PLEKHG5: variants seen among roughly 807,000 people sequenced by gnomAD.
PLEKHG5 encodes the protein pleckstrin homology and RhoGEF domain containing G5.
Under a neutral mutation model 103.8 loss-of-function variants are expected in PLEKHG5, and 52 were observed. The ratio of observed to expected loss-of-function variants is 0.50; its 90% CI spans 0.40 to 0.63. PLEKHG5 has a LOEUF of 0.63. PLEKHG5 is among the 30% of genes least tolerant of loss of function. The pLI is 0.00. For synonymous variants in PLEKHG5, 592 were observed against 575.5 expected (o/e 1.03, Z -0.41); for missense variants, 1,205 against 1,347.6 (o/e 0.89, Z 1.66).
At chr1:6,498,665 C>A (rs111968396), upstream of PLEKHG5, among the ~76,000 whole-genome samples, 1 of 152,090 alleles carries the variant, frequency 6.6e-6, no homozygotes, top group African/African-American at 2.4e-5. Context: ...CCACAGGCAC[C>A]CCGGGGGCCT....
At chr1:6,503,317 T>G (rs1380733674) in intron 1 of PLEKHG5, among the ~76,000 whole-genome samples, 6 of 151,732 alleles carry the variant, frequency 4.0e-5, no homozygotes, top group Non-Finnish European at 8.8e-5. Context: ...CTTGGGAGGC[T>G]GAGGCAGGAG....
chr1:6,470,888 C>T lies in PLEKHG5; in HGVS notation c.1393-4G>A, dbSNP rs746003422. ...ACTGTGGGTGCTTCTCCGCCCACTG[C>T]GGTGGGGGAGTGGGGGCGGGCTCAG... On this transcript the variant is annotated splice_polypyrimidine_tract_variant and splice_region_variant and intron_variant, in intron 13 of 20. Coordinates refer to ENST00000377728, the MANE Select transcript of PLEKHG5 (RefSeq NM_020631.6). 21 of 1,459,804 alleles carry T rather than the reference C, an allele frequency of 1.4e-5. No homozygotes were observed. The highest frequency in any genetic ancestry group is 1.8e-5 in the Non-Finnish European group (20 of 1,111,876). 90.4% of individuals were successfully genotyped at this position (1,459,804 alleles called of 1,614,324 possible).
rs760122001 is a variant in PLEKHG5 at position 6,470,298 on chromosome 1, C to A, written c.1738G>T (p.Glu580Ter). 2 of 1,613,964 alleles carry A rather than the reference C, an allele frequency of 1.2e-6. No individual in the cohort carries two copies. The highest frequency in any genetic ancestry group is 1.7e-6 in the Non-Finnish European group (2 of 1,180,018). ...LTAPIPGASP[E>*]ETRQLLLEGS... is the part of the protein sequence containing the mutation. ...TCCAGCAGCAGCTGCCGCGTCTCCTCCGGGGAGGCGCCAGGGATGGGCGCT... is the reference window on the plus strand; with the variant it reads ...TCCAGCAGCAGCTGCCGCGTCTCCTACGGGGAGGCGCCAGGGATGGGCGCT... The change falls in exon 16 of 21, where the codon GAG becomes TAG. Residue 580 changes from glutamate (E) to a stop codon, truncating the protein, a stop_gained. Coordinates refer to ENST00000377728, the MANE Select transcript of PLEKHG5 (RefSeq NM_020631.6). LOFTEE classifies it high-confidence loss of function.
chr1:6,497,390 G>A, upstream of PLEKHG5: 1 of 1,055,066 alleles, frequency 9.5e-7, no homozygotes, highest in South Asian at 4.6e-5. The surrounding 1 kb of genome is among the most constrained non-coding windows in gnomAD (Gnocchi z 6.1). Context: ...CGGGGACTGG[G>A]AGGCCGCAGA....
Position 6,490,368 on chromosome 1 carries a change from T to C in PLEKHG5, c.-88+1269A>G. On this transcript the variant is annotated intron_variant, in intron 1 of 20. Transcript: ENST00000377728. The surrounding 1 kb of genome is among the most constrained non-coding windows in gnomAD (Gnocchi z 8.0). ...GTGGGAATCTCGAATCCGGGTTCTG[T>C]CCATCGGTTTAGGGGGGTCCTGGCG... 1 of 816,214 alleles carries C rather than the reference T, an allele frequency of 1.2e-6. No homozygotes were observed. Among genetic ancestry groups the C allele is most frequent in the Non-Finnish European group, 1.5e-6 (1 of 676,550 alleles). The allele number at this position is 816,214 out of a possible 1,614,324, so 50.6% of individuals were successfully genotyped here. A position where few individuals can be genotyped will look rare whatever the true frequency, so the allele number is the denominator to read the frequency against.
chr1:6,499,450 A>G (rs1167228046), upstream of PLEKHG5, among the ~76,000 whole-genome samples: 1 of 151,794 alleles, frequency 6.6e-6, no homozygotes, highest in Non-Finnish European at 1.5e-5. Context: ...TAGACCCTAC[A>G]CTCCTGATCC....
chr1:6,494,614 A>G (rs1187891289), upstream of PLEKHG5, among the ~76,000 whole-genome samples: 2 of 151,948 alleles, frequency 1.3e-5, no homozygotes. Context: ...TGTTTCTCTT[A>G]CCAAATCTGA....
In PLEKHG5 at chr1:6,471,604, C is replaced by G; in HGVS notation, c.1165G>C (p.Glu389Gln). ...EAERLFSNIP[E>Q]IAQLHRRLWA... ...AGCCTGCGGTGCAGCTGCGCGATCT[C>G]CGGGATGTTGCTGAACAGGCGCTCC... Residue 389 changes from glutamate to glutamine, a missense_variant, in exon 12 of 21, where the codon GAG becomes CAG. Coordinates refer to ENST00000377728, the MANE Select transcript of PLEKHG5 (RefSeq NM_020631.6). 2 of 1,595,532 alleles carry G rather than the reference C, an allele frequency of 1.3e-6. No homozygotes were observed. The highest frequency in any genetic ancestry group is 1.7e-6 in the Non-Finnish European group (2 of 1,172,072).
chr1:6,474,421 C>G, intron 6 of PLEKHG5, 30 bp downstream of exon 6: 1 of 1,612,662 alleles, frequency 6.2e-7, no homozygotes, highest in Non-Finnish European at 8.5e-7. Flanking sequence ...CCAGTCCCAG[C>G]GGCCCCATTT....
intron 1 of PLEKHG5, among the ~76,000 whole-genome samples, chr1:6,481,452 A>G (rs1644895718): frequency 6.6e-6 from 1 of 152,054 alleles, no homozygotes; most frequent in East Asian, 1.9e-4. Flanking sequence ...AATCGCTTGA[A>G]TACGGGAGGC....
rs1344388642 is a variant in PLEKHG5, at chr1:6,467,490, G to C, written c.*73C>G. On this transcript the variant is annotated 3_prime_UTR_variant, in exon 21 of 21. Coordinates refer to ENST00000377728, the MANE Select transcript of PLEKHG5 (RefSeq NM_020631.6). The stretch of plus-strand genomic sequence containing the variant: ...ATACAGGAGGCAGTAGCTGAAGCAG[G>C]TGCCGGCACGCCCCAGGAGGCAGGC... 7.0e-7 allele frequency: 1 copy of C among 1,429,976 alleles called. No homozygotes were observed. The highest frequency in any genetic ancestry group is 9.9e-7 in the Non-Finnish European group (1 of 1,012,964). The allele number at this position is 1,429,976 out of a possible 1,614,324, so 88.6% of individuals were successfully genotyped here.
intron 1 of PLEKHG5, among the ~76,000 whole-genome samples, chr1:6,512,444 C>T (rs1028257649): frequency 4.6e-5 from 7 of 152,240 alleles, no homozygotes; most frequent in African/African-American, 1.4e-4. Flanking sequence ...TGGGCCCCTC[C>T]CCGGGCTACC....
intron 2 of PLEKHG5, 142 bp from the exon 3 acceptor site, chr1:6,476,178 G>C: frequency 2.7e-6 from 2 of 730,296 alleles, no homozygotes; most frequent in Non-Finnish European, 4.8e-6. Context: ...GTGAGGAGAG[G>C]GGCTCAGTCA....
Position 6,467,832 on chromosome 1 carries a change from T to C in PLEKHG5, c.3004A>G (p.Thr1002Ala). 1.2e-6 allele frequency: 2 copies of C among 1,613,250 alleles called. No individual in the cohort carries two copies. Among genetic ancestry groups the C allele is most frequent in the Non-Finnish European group, 1.7e-6 (2 of 1,179,918 alleles). The change falls in exon 20 of 21, where the codon ACT becomes GCT. Residue 1002 changes from threonine (T) to alanine (A), a missense_variant. Physicochemically the swap from Thr to Ala is moderately conservative, Grantham distance 58. Coordinates refer to ENST00000377728, the MANE Select transcript of PLEKHG5 (RefSeq NM_020631.6). ...CCAGTCCAGGCCACTCACGAGGCAGTGAGCGTGGAGTTAAGCAGCAGGGTG... is the reference window on the plus strand; with the variant it reads ...CCAGTCCAGGCCACTCACGAGGCAGCGAGCGTGGAGTTAAGCAGCAGGGTG... The part of the protein sequence containing the change: ...RTTLLLNSTL[T>A]ASEV
At position 6,467,559 on chromosome 1, in the gene PLEKHG5, C is replaced by G; in HGVS notation, c.*4G>C. On this transcript the variant is annotated 3_prime_UTR_variant, in exon 21 of 21. Transcript: ENST00000377728. ...CAATGGCACTCTTGGGGGCCTCCCT[C>G]TGCTCAGACCTCCCTACAGGGTGGG... 6.2e-7 allele frequency: 1 copy of G among 1,613,478 alleles called. No individual in the cohort carries two copies. Among genetic ancestry groups the G allele is most frequent in the Non-Finnish European group, 8.5e-7 (1 of 1,179,792 alleles).
rs1304121998 is a variant in PLEKHG5 at position 6,471,742 on chromosome 1, C to T, written c.1131+16G>A. ...CCTGGTACCTCACCCGCCGCCGCCC[C>T]CGAATCCCAGCGCACCTCACACAGC... On this transcript the variant is annotated intron_variant, in intron 11 of 20. Transcript: ENST00000377728. 1.2e-6 allele frequency: 2 copies of T among 1,607,648 alleles called. No homozygotes were observed. The highest frequency in any genetic ancestry group is 1.7e-6 in the Non-Finnish European group (2 of 1,177,472).
chr1:6,480,528 CA>C (rs58083180), intron 1 of PLEKHG5, among the ~76,000 whole-genome samples: 30,348 of 132,858 alleles, frequency 0.23, 3,774 homozygotes, highest in African/African-American at 0.39. Flanking sequence ...ACTTTGTCTC[CA>C]AAAAAAAAAA....
exon 1 of PLEKHG5, chr1:6,519,751 C>T (rs576620979): frequency 8.4e-6 from 5 of 597,638 alleles, no homozygotes; most frequent in Middle Eastern, 4.4e-4. Flanking sequence ...GTCCCCTGGG[C>T]GCTGTATATT....
chr1:6,494,330 C>T (rs1645192333), upstream of PLEKHG5, among the ~76,000 whole-genome samples: 1 of 151,652 alleles, frequency 6.6e-6, no homozygotes, highest in Admixed American at 6.6e-5. Context: ...GGGGTTTCGC[C>T]ATGTTGGCCA....
Sources: allele counts gnomAD v4.1 joint callset (sites outside exome capture counted in the v4.1 genomes callset), GRCh38; gene constraint gnomAD v4.1.1; non-coding constraint Gnocchi (gnomAD v3.1); transcripts MANE v1.5; gene names NCBI Gene and HGNC (gene_info 2026-07-23, HGNC 2026-07-21).